The following ROBO1 variants were observed in gnomAD, a reference collection of about 807,000 sequenced individuals.
The protein encoded by ROBO1 is roundabout guidance receptor 1.
In ROBO1, 149 loss-of-function variants were observed where a neutral mutation model predicts 195.9. The ratio of observed to expected loss-of-function variants is 0.76; its 90% CI spans 0.67 to 0.87. The LOEUF (loss-of-function observed/expected upper bound fraction) is 0.87. ROBO1 is among the 40% of genes least tolerant of loss of function. The probability of loss-of-function intolerance (pLI) is 0.00; values close to 1 mark genes in which losing one functional copy is unlikely to be tolerated. For missense variants in ROBO1, 1,933 were observed against 2,068.3 expected, an observed-to-expected ratio of 0.93 and a Z score of 1.27; for synonymous variants, 816 against 733.2, an observed-to-expected ratio of 1.11 and a Z score of -1.82.
chr3:78,780,260 A>T (rs944317510), intron 4 of ROBO1, among the ~76,000 whole-genome samples: 1 of 152,198 alleles, frequency 6.6e-6, no homozygotes, highest in Admixed American at 6.5e-5. Context: ...TATAAAAAAA[A>T]ATTCACATAT....
intron 1 of ROBO1, among the ~76,000 whole-genome samples, chr3:79,623,678 C>T (rs548666338): frequency 1.3e-5 from 2 of 151,968 alleles, no homozygotes; most frequent in African/African-American, 4.8e-5. Flanking sequence ...ACAAAGACTA[C>T]AAGAAATATG....
chr3:79,200,052 G>T (rs910928503), intron 2 of ROBO1, among the ~76,000 whole-genome samples: 10 of 151,758 alleles, frequency 6.6e-5, no homozygotes, highest in Non-Finnish European at 1.5e-4. Flanking sequence ...AGCTGTAACT[G>T]TAGGAAGACA....
intron 2 of ROBO1, among the ~76,000 whole-genome samples, chr3:79,445,229 ACAT>A (rs2039199271): frequency 6.6e-6 from 1 of 151,870 alleles, no homozygotes; most frequent in Admixed American, 6.6e-5. Context: ...ATATTTGCGT[ACAT>A]CATATCCACA....
At chr3:79,356,031 T>C (rs1253030715) in intron 2 of ROBO1, among the ~76,000 whole-genome samples, 1 of 152,208 alleles carries the variant, frequency 6.6e-6, no homozygotes, top group Non-Finnish European at 1.5e-5. Context: ...TTTTATTCCA[T>C]ATGCTATTCT....
intron 2 of ROBO1, among the ~76,000 whole-genome samples, chr3:79,425,825 G>A (rs3934852): frequency 0.4 from 61,488 of 151,956 alleles, 12,693 homozygotes; most frequent in Admixed American, 0.51. Context: ...AATTGGAATA[G>A]AGAGGAAATT....
At chr3:79,381,373 A>AGAAAAGAAAAGAAAAGAAAAG (rs1221999594) in intron 2 of ROBO1, among the ~76,000 whole-genome samples, 3 of 115,426 alleles carry the variant, frequency 2.6e-5, no homozygotes, top group African/African-American at 1.0e-4. Context: ...AAAAAAAAAA[A>AGAAAAGAAAAGAAAAGAAAAG]AAAAGAAAAG....
intron 3 of ROBO1, among the ~76,000 whole-genome samples, chr3:78,946,400 C>T (rs568049730): frequency 1.8e-4 from 27 of 152,230 alleles, no homozygotes; most frequent in Admixed American, 1.3e-3. Context: ...TTTCAACCCA[C>T]AATTTCATAT....
At chr3:79,762,695 T>C (rs1704776804) in intron 1 of ROBO1, among the ~76,000 whole-genome samples, 1 of 151,826 alleles carries the variant, frequency 6.6e-6, no homozygotes, top group South Asian at 2.1e-4. Context: ...TTCATAGTAA[T>C]TGATAATTCT....
intron 2 of ROBO1, among the ~76,000 whole-genome samples, chr3:79,415,175 CA>C (rs1477008698): frequency 6.6e-6 from 1 of 152,092 alleles, no homozygotes; most frequent in Non-Finnish European, 1.5e-5. Context: ...ATTTTCTGAG[CA>C]CCTAACATGT....
chr3:78,963,658 TC>T (rs1054901682), intron 3 of ROBO1, among the ~76,000 whole-genome samples: 14 of 151,634 alleles, frequency 9.2e-5, no homozygotes, highest in African/African-American at 3.1e-4. Context: ...AGCTGGGACT[TC>T]AGGCGCCGCC....
intron 2 of ROBO1, among the ~76,000 whole-genome samples, chr3:79,452,204 C>A (rs1184813607): frequency 6.6e-6 from 1 of 152,052 alleles, no homozygotes; most frequent in African/African-American, 2.4e-5. Context: ...AACCTATAAT[C>A]ATCTCACTAT....
chr3:79,042,452 C>T (rs2078505955), intron 3 of ROBO1, among the ~76,000 whole-genome samples: 1 of 152,124 alleles, frequency 6.6e-6, no homozygotes. Context: ...TGCTTTTAAA[C>T]TTCTCCACGG....
At chr3:79,369,016 A>G (rs1208976387) in intron 2 of ROBO1, among the ~76,000 whole-genome samples, 1 of 152,246 alleles carries the variant, frequency 6.6e-6, no homozygotes, top group African/African-American at 2.4e-5. Context: ...CTTATTGTGC[A>G]TAACCAGTAC....
At position 79,214,832 on chromosome 3, in the gene ROBO1, T is replaced by A. The variant is rs537652210; in HGVS notation, c.89-89293A>T. On this transcript the variant is annotated intron_variant, in intron 2 of 30. Coordinates refer to ENST00000464233, the MANE Select transcript of ROBO1 (RefSeq NM_002941.4). ...TGCAAATATATATATATATATTTTT[T>A]TTTTTTTTGAGGTACAGTTTGAGGT... is the stretch of plus-strand genomic sequence containing the variant. Among the ~76,000 whole-genome samples the A allele has an allele frequency of 5.5e-3, 809 of 147,784 alleles. 8 individuals carry two copies. Among genetic ancestry groups the A allele is most frequent in the African/African-American group, 0.019 (763 of 40,210 alleles).
intron 1 of ROBO1, among the ~76,000 whole-genome samples, chr3:79,606,110 G>T (rs947549229): frequency 6.6e-6 from 1 of 150,830 alleles, no homozygotes; most frequent in African/African-American, 2.4e-5. Flanking sequence ...GTCAATAAGA[G>T]CTTTAATTTA....
chr3:78,627,676 C>T (rs1704902149), intron 25 of ROBO1, 107 bp from the exon 26 acceptor site: 1 of 1,203,910 alleles, frequency 8.3e-7, no homozygotes, highest in South Asian at 1.6e-5. Context: ...TCTGAACGTT[C>T]TCAGTCACAT....
chr3:78,731,503 T>A (rs573397639), intron 5 of ROBO1, among the ~76,000 whole-genome samples: 1 of 152,214 alleles, frequency 6.6e-6, no homozygotes, highest in African/African-American at 2.4e-5. Context: ...TGTTCTGTGA[T>A]GGCAAAAACT....
chr3:79,746,454 A>T (rs956479692), intron 1 of ROBO1, among the ~76,000 whole-genome samples: 9 of 152,036 alleles, frequency 5.9e-5, no homozygotes, highest in African/African-American at 2.2e-4. Context: ...TCTAATTTGG[A>T]ATTCTTCCAA....
intron 4 of ROBO1, among the ~76,000 whole-genome samples, chr3:78,881,076 C>A (rs143415650): frequency 6.6e-6 from 1 of 152,132 alleles, no homozygotes; most frequent in Non-Finnish European, 1.5e-5. Context: ...TCAACAGATG[C>A]GGGGATGCTG....
Sources: gnomAD v4.1 joint callset for allele counts (sites outside exome capture counted in the v4.1 genomes callset) on GRCh38, gnomAD v4.1.1 for gene constraint, MANE v1.5 for transcripts, NCBI Gene and HGNC (gene_info 2026-07-23, HGNC 2026-07-21) for gene names.